TTLL10: variants seen among roughly 807,000 people sequenced by gnomAD.
The protein encoded by TTLL10 is tubulin tyrosine ligase like 10.
In TTLL10, 61 loss-of-function variants were observed where a neutral mutation model predicts 69.0. The ratio of observed to expected loss-of-function variants is 0.88; its 90% confidence interval spans 0.72 to 1.09. The LOEUF (loss-of-function observed/expected upper bound fraction) is 1.09. Among genes scored for constraint, TTLL10 ranks in the 50% least tolerant of loss-of-function variants. TTLL10 has a pLI of 0.00. For synonymous variants in TTLL10, 408 were observed against 393.3 expected, an observed-to-expected ratio of 1.04 and a Z score of -0.44; for missense variants, 962 against 945.9, an observed-to-expected ratio of 1.02 and a Z score of -0.22.
chr1:1,197,307 T>A, intron 15 of TTLL10, 121 bp downstream of exon 15: 2 of 1,314,060 alleles, frequency 1.5e-6, no homozygotes, highest in Non-Finnish European at 2.1e-6. Context: ...AGGGCCTGTG[T>A]GGCAGCGCCG....
chr1:1,180,540 C>G lies in TTLL10; in HGVS notation c.564C>G (p.Asp188Glu). The change falls in exon 7 of 16, where the codon GAC (aspartate) becomes GAG (glutamate). Residue 188 changes from aspartate (D) to glutamate (E), a missense_variant. Physicochemically the swap from Asp to Glu is conservative, Grantham distance 45. Coordinates refer to ENST00000379289, the MANE Select transcript of TTLL10 (RefSeq NM_001130045.2). Reference sequence around the variant, plus strand: ...AGCGCATCCATGACAGCCGCCGGGACGACTACACGCTGAAGTGGTGTGAGG... The same window carrying G: ...AGCGCATCCATGACAGCCGCCGGGAGGACTACACGCTGAAGTGGTGTGAGG... ...GWQRIHDSRR[D>E]DYTLKWCEVK... 1 of 1,553,048 alleles carries G rather than the reference C, an allele frequency of 6.4e-7. No homozygotes were observed. Among genetic ancestry groups the G allele is most frequent in the South Asian group, 1.2e-5 (1 of 84,164 alleles).
intron 3 of TTLL10, among the ~76,000 whole-genome samples, chr1:1,177,899 A>G (rs948419940): frequency 6.6e-6 from 1 of 152,056 alleles, no homozygotes; most frequent in South Asian, 2.1e-4. Context: ...TGCCCAGCCC[A>G]CCCTAGGAAG....
chr1:1,197,663 C>A lies in TTLL10; in HGVS notation c.1838C>A (p.Ala613Glu). The A allele has an allele frequency of 6.7e-7, 1 of 1,500,882 alleles. No homozygotes were observed. Among genetic ancestry groups the A allele is most frequent in the Non-Finnish European group, 8.8e-7 (1 of 1,132,312 alleles). The allele number at this position is 1,500,882 out of a possible 1,614,324, so 93.0% of individuals were successfully genotyped here. A position where few individuals can be genotyped will look rare whatever the true frequency, so the allele number is the denominator to read the frequency against. Residue 613 changes from alanine (A) to glutamate (E), a missense_variant, in exon 16 of 16, where the codon GCG becomes GAG. Physicochemically the swap from Ala to Glu is moderately radical, Grantham distance 107 (BLOSUM62 -1). Transcript: ENST00000379289. Reference sequence around the variant, plus strand: ...GACCAGCCGGGCGCCCGCAGGCCTGCGCCACCTCCCTTGGTGCCGCAGCGT... The same window carrying A: ...GACCAGCCGGGCGCCCGCAGGCCTGAGCCACCTCCCTTGGTGCCGCAGCGT... ...APDQPGARRPAPPPLVPQRPR... is the reference protein window; with the variant it reads ...APDQPGARRPEPPPLVPQRPR...
chr1:1,182,798 G>T, intron 10 of TTLL10, 78 bp from the exon 11 acceptor site: 1 of 1,469,634 alleles, frequency 6.8e-7, no homozygotes, highest in Non-Finnish European at 9.1e-7. Context: ...GCCTGGAGGG[G>T]AGGGTCCTGG....
intron 1 of TTLL10, 79 bp downstream of exon 1, chr1:1,174,005 C>T (rs746619101): frequency 4.6e-5 from 7 of 152,398 alleles, no homozygotes; most frequent in Non-Finnish European, 7.3e-5. Flanking sequence ...CGGGTCCCCT[C>T]GGGAGGCTGC....
In TTLL10 at chr1:1,185,697, G is replaced by A; in HGVS notation, c.1401+588G>A. On this transcript the variant is annotated intron_variant, in intron 13 of 15. Coordinates refer to ENST00000379289, the MANE Select transcript of TTLL10 (RefSeq NM_001130045.2). The surrounding 1 kb of genome is among the most constrained non-coding windows in gnomAD (Gnocchi z 6.1). The stretch of plus-strand genomic sequence containing the variant: ...ACTTTTATCTGTCTTGGTCACCCCG[G>A]CCAGGCCCCGGAAGCAGCAGCCAGG... The A allele has an allele frequency of 1.0e-6, 1 of 985,520 alleles. No homozygotes were observed. Among genetic ancestry groups the A allele is most frequent in the Non-Finnish European group, 1.2e-6 (1 of 829,990 alleles). 61.0% of individuals were successfully genotyped at this position (985,520 alleles called of 1,614,324 possible).
At chr1:1,186,131 C>T (rs1647300865) in intron 13 of TTLL10, among the ~76,000 whole-genome samples, 1 of 151,766 alleles carries the variant, frequency 6.6e-6, no homozygotes, top group Non-Finnish European at 1.5e-5. Context: ...CTCTGTTGCC[C>T]AGGCTGGAGT....
chr1:1,197,621 C>A lies in TTLL10; in HGVS notation c.1796C>A (p.Pro599His). 1 of 1,516,002 alleles carries A rather than the reference C, an allele frequency of 6.6e-7. No homozygotes were observed. The highest frequency in any genetic ancestry group is 8.8e-7 in the Non-Finnish European group (1 of 1,138,164). The allele number at this position is 1,516,002 out of a possible 1,614,324, so 93.9% of individuals were successfully genotyped here. A position where few individuals can be genotyped will look rare whatever the true frequency, so the allele number is the denominator to read the frequency against. The change falls in exon 16 of 16, where the codon CCC (proline) becomes CAC (histidine). Residue 599 changes from proline (P) to histidine (H), a missense_variant. Transcript: ENST00000379289. ...PTRQAKSSGP[P>H]MPHAPDQPGA... is the part of the protein sequence containing the mutation. The stretch of plus-strand genomic sequence containing the variant: ...CGCCAGGCCAAGTCCTCCGGGCCAC[C>A]CATGCCGCATGCCCCAGACCAGCCG...
chr1:1,187,904 C>CAAA (rs35247267), intron 13 of TTLL10, among the ~76,000 whole-genome samples: 1 of 135,202 alleles, frequency 7.4e-6, no homozygotes. Flanking sequence ...GACTCCATCT[C>CAAA]AAAAAAAAAA....
chr1:1,195,500 C>CTTTTTTTTTTTTT (rs1168016636), intron 13 of TTLL10, among the ~76,000 whole-genome samples: 8 of 98,776 alleles, frequency 8.1e-5, no homozygotes, highest in African/African-American at 1.2e-4. Flanking sequence ...CATCGTCATA[C>CTTTTTTTTTTTTT]TTTTTTTTTT....
chr1:1,195,306 GT>G (rs1648118401), intron 13 of TTLL10, among the ~76,000 whole-genome samples: 1 of 151,358 alleles, frequency 6.6e-6, no homozygotes. Context: ...TTTTCTTTCT[GT>G]TCCTCAGACT....
rs1417359426 is a variant in TTLL10 at position 1,181,856 on chromosome 1, T to C, written c.830+41T>C. ...CTGTGAGGGGCCCTTCAGACCGAAGTTCAGACCTAAACCTGGTGTCGTCTG... is the reference window on the plus strand; with the variant it reads ...CTGTGAGGGGCCCTTCAGACCGAAGCTCAGACCTAAACCTGGTGTCGTCTG... On this transcript the variant is annotated intron_variant, in intron 9 of 15. Transcript: ENST00000379289. This position sits in a 1 kb window ranked among gnomAD's most constrained non-coding sequence, Gnocchi z 4.6. 2.6e-6 allele frequency: 4 copies of C among 1,553,422 alleles called. No individual in the cohort carries two copies. The highest frequency in any genetic ancestry group is 2.7e-5 in the African/African-American group (2 of 73,866).
chr1:1,179,920 G>C, intron 5 of TTLL10, 114 bp from the exon 6 acceptor site: 1 of 1,438,964 alleles, frequency 6.9e-7, no homozygotes. Context: ...AGACGGGCCA[G>C]GGGGATTGTC....
In TTLL10 at chr1:1,182,431, T is replaced by G. The variant is rs1220928072; in HGVS notation, c.901T>G (p.Phe301Val). 4 of 1,613,778 alleles carry G rather than the reference T, an allele frequency of 2.5e-6. No homozygotes were observed. The African/African-American group carries it at 4.0e-5, about 16-fold the overall frequency. Residue 301 changes from phenylalanine (F) to valine (V), a missense_variant, in exon 10 of 16, where the codon TTC becomes GTC. Transcript: ENST00000379289. Reference sequence around the variant, plus strand: ...CCTCAAACACGAGAGAGAGGCCTTTTTCACCTTGTTTGATGGTGAGACGCT... The same window carrying G: ...CCTCAAACACGAGAGAGAGGCCTTTGTCACCTTGTTTGATGGTGAGACGCT... Reference protein sequence around the residue: ...LDLKHEREAFFTLFDETQIWI... With the variant: ...LDLKHEREAFVTLFDETQIWI...
chr1:1,187,877 C>T (rs568381505), intron 13 of TTLL10, among the ~76,000 whole-genome samples: 1 of 151,202 alleles, frequency 6.6e-6, no homozygotes, highest in East Asian at 2.0e-4. Context: ...TGCACTCCAA[C>T]CTGGGTGATG....
Position 1,185,083 on chromosome 1 carries a change from A to T in TTLL10, c.1375A>T (p.Lys459Ter). ...GTTCTGGAAGGCCCGGGGCCTCGCC[A>T]AGGACTGGGTCTTCACCACCCTCAA... Reference protein sequence around the residue: ...DTFWKARGLAKDWVFTTLKKR... With the variant: ...DTFWKARGLA The change falls in exon 13 of 16, where the codon AAG (lysine) becomes TAG (stop). Residue 459 changes from lysine (K) to a stop codon, truncating the protein, a stop_gained. Transcript: ENST00000379289. LOFTEE classifies it high-confidence loss of function. The surrounding 1 kb of genome is among the most constrained non-coding windows in gnomAD (Gnocchi z 6.1). The T allele has an allele frequency of 6.2e-7, 1 of 1,614,014 alleles. No individual in the cohort carries two copies. Among genetic ancestry groups the T allele is most frequent in the Non-Finnish European group, 8.5e-7 (1 of 1,179,978 alleles).
At chr1:1,180,460 A>ACCCCCCCCCCCCCC in intron 6 of TTLL10, 23 bp from the exon 7 acceptor site, 1 of 1,107,368 alleles carries the variant, frequency 9.0e-7, no homozygotes, top group Admixed American at 2.2e-5. Context: ...CCCCCAGGTC[A>ACCCCCCCCCCCCCC]CCCCCGCCCC....
chr1:1,177,044 CTGTGTGTGTGGGTGTCT>C (rs1646890910), intron 3 of TTLL10, among the ~76,000 whole-genome samples: 1 of 150,742 alleles, frequency 6.6e-6, no homozygotes, highest in African/African-American at 2.4e-5. Flanking sequence ...GTGTCAGCGT[CTGTGTGTGTGGGTGTCT>C]GTGTGTGTGT....
Position 1,195,500 on chromosome 1 carries a change from C to CTTTTTTTTTTTTTTTTTTTTTTTTTTT in TTLL10, c.1402-1082_1402-1081insTTTTTTTTTTTTTTTTTTTTTTTTTTT, listed in dbSNP as rs1168016636. On this transcript the variant is annotated intron_variant, in intron 13 of 15. Transcript: ENST00000379289. ...TATTTGATAAGACATCATCGTCATACTTTTTTTTTTTTTTTTTTAGTTTTA... is the reference window on the plus strand; with the variant it reads ...TATTTGATAAGACATCATCGTCATACTTTTTTTTTTTTTTTTTTTTTTTTTTTTTTTTTTTTTTTTTTTTTAGTTTTA... Among the ~76,000 whole-genome samples, 62 of 98,760 alleles carry CTTTTTTTTTTTTTTTTTTTTTTTTTTT rather than the reference C, an allele frequency of 6.3e-4. 6 individuals are homozygous for CTTTTTTTTTTTTTTTTTTTTTTTTTTT. The East Asian group carries it at 7.5e-3, about 12-fold the overall frequency. 64.8% of individuals were successfully genotyped at this position (98,760 alleles called of 152,430 possible).
Sources: allele counts gnomAD v4.1 joint callset (sites outside exome capture counted in the v4.1 genomes callset), GRCh38; gene constraint gnomAD v4.1.1; non-coding constraint Gnocchi (gnomAD v3.1); transcripts MANE v1.5; gene names NCBI Gene and HGNC (gene_info 2026-07-23, HGNC 2026-07-21).